APBA1: variants seen among roughly 807,000 people sequenced by gnomAD.
APBA1 encodes amyloid beta precursor protein binding family A member 1.
A neutral mutation model predicts 86.6 loss-of-function variants in APBA1; 55 were observed. That is an observed-to-expected ratio of 0.64 (90% CI 0.51 to 0.80). APBA1 has a LOEUF of 0.80. APBA1 is among the 30% of genes least tolerant of loss of function. APBA1 has a pLI of 0.00. For synonymous variants in APBA1, 511 were observed against 493.9 expected (o/e 1.03, Z -0.46); for missense variants, 1,090 against 1,183.0 (o/e 0.92, Z 1.15).
At chr9:69,443,133 C>T (rs1311850847) in intron 10 of APBA1, among the ~76,000 whole-genome samples, 3 of 151,964 alleles carry the variant, frequency 2.0e-5, no homozygotes, top group African/African-American at 4.8e-5. Context: ...AAACCCCACA[C>T]AGCAGCAGCA....
chr9:69,661,375 A>G (rs1226193595), intron 1 of APBA1, among the ~76,000 whole-genome samples: 1 of 152,136 alleles, frequency 6.6e-6, no homozygotes, highest in African/African-American at 2.4e-5. Flanking sequence ...ACCCTTTCAT[A>G]TTTTATTTGA....
At chr9:69,656,860 A>G (rs1588415181) in intron 1 of APBA1, among the ~76,000 whole-genome samples, 2 of 128,718 alleles carry the variant, frequency 1.6e-5, no homozygotes, top group East Asian at 2.4e-4. Context: ...TTTTTTTGAG[A>G]CGGAGTCTCG....
At chr9:69,489,457 A>G (rs1383792701) in intron 2 of APBA1, among the ~76,000 whole-genome samples, 1 of 152,126 alleles carries the variant, frequency 6.6e-6, no homozygotes, top group Non-Finnish European at 1.5e-5. Flanking sequence ...CCTTTCTTAC[A>G]CCTTATACAA....
Position 69,659,137 on chromosome 9 carries a change from G to A in APBA1, c.-70+13016C>T, listed in dbSNP as rs563596904. Among the ~76,000 whole-genome samples, 14 of 152,234 alleles carry A rather than the reference G, an allele frequency of 9.2e-5. No homozygotes were observed. In the East Asian group the frequency reaches 1.4e-3, roughly 15 times the overall value. On this transcript the variant is annotated intron_variant, in intron 1 of 12. Coordinates refer to ENST00000265381, the MANE Select transcript of APBA1 (RefSeq NM_001163.4). ...GATTCTGACCTAAGACATCTGCAAA[G>A]CACACCAACTTATACAGACCTTCTG...
In APBA1 at chr9:69,539,044, T is replaced by C. The variant is rs186640562; in HGVS notation, c.-69-21765A>G. 3.7e-4 allele frequency among the ~76,000 whole-genome samples: 56 copies of C among 152,332 alleles called. No individual in the cohort carries two copies. The East Asian group carries it at 6.8e-3, about 18-fold the overall frequency. The stretch of plus-strand genomic sequence containing the variant: ...GCTTCCAGGCCACCACTTTCTCCTG[T>C]TGCTTCCCCATCTCATTGGCTGGTT... On this transcript the variant is annotated intron_variant, in intron 1 of 12. Coordinates refer to ENST00000265381, the MANE Select transcript of APBA1 (RefSeq NM_001163.4).
intron 1 of APBA1, among the ~76,000 whole-genome samples, chr9:69,641,689 G>A (rs1015007345): frequency 6.6e-5 from 10 of 152,066 alleles, no homozygotes; most frequent in African/African-American, 2.4e-4. Flanking sequence ...ATATTCATAT[G>A]TGAAAAAAAT....
At chr9:69,464,690 A>G (rs1835247777) in intron 5 of APBA1, 1 of 152,254 alleles carries the variant, frequency 6.6e-6, no homozygotes, top group Admixed American at 6.5e-5. Context: ...TGGAAATAAG[A>G]AAATGTAATT....
At chr9:69,553,315 T>C (rs1344055532) in intron 1 of APBA1, among the ~76,000 whole-genome samples, 1 of 152,202 alleles carries the variant, frequency 6.6e-6, no homozygotes, top group South Asian at 2.1e-4. Flanking sequence ...TTGTAAGATA[T>C]AAACCATTTC....
At chr9:69,658,282 T>TTCTTTCTTTCTTTCTTTCTC (rs1554709948) in intron 1 of APBA1, among the ~76,000 whole-genome samples, 1 of 39,790 alleles carries the variant, frequency 2.5e-5, no homozygotes, top group Admixed American at 3.3e-4. Context: ...CTTTCTTTCT[T>TTCTTTCTTTCTTTCTTTCTC]TCTCTCTCTC....
At chr9:69,489,451 T>C (rs1349617770) in intron 2 of APBA1, among the ~76,000 whole-genome samples, 20 of 152,190 alleles carry the variant, frequency 1.3e-4, no homozygotes, top group African/African-American at 4.6e-4. Context: ...TGGATCCCTT[T>C]CTTACACCTT....
At chr9:69,572,074 C>CT (rs1317119770) in intron 1 of APBA1, among the ~76,000 whole-genome samples, 4 of 152,152 alleles carry the variant, frequency 2.6e-5, no homozygotes, top group African/African-American at 9.7e-5. Flanking sequence ...GTTATTATCT[C>CT]TTTTTAAAAT....
At chr9:69,645,416 T>G (rs1280488218) in intron 1 of APBA1, among the ~76,000 whole-genome samples, 1 of 152,236 alleles carries the variant, frequency 6.6e-6, no homozygotes, top group Non-Finnish European at 1.5e-5. Context: ...CATTTTTCTT[T>G]CATTTGGCCA....
chr9:69,449,049 G>T (rs189334921), intron 10 of APBA1, among the ~76,000 whole-genome samples: 123 of 152,358 alleles, frequency 8.1e-4, no homozygotes, highest in Non-Finnish European at 1.5e-3. Context: ...GACTGGAAGA[G>T]AGTTTCCTCC....
intron 2 of APBA1, among the ~76,000 whole-genome samples, chr9:69,493,094 A>C (rs893975928): frequency 1.3e-5 from 2 of 152,010 alleles, no homozygotes; most frequent in African/African-American, 4.8e-5. Flanking sequence ...TTCACCAGAC[A>C]CCTGTCATTA....
At chr9:69,634,386 T>C (rs1050681545) in intron 1 of APBA1, among the ~76,000 whole-genome samples, 4 of 152,170 alleles carry the variant, frequency 2.6e-5, no homozygotes, top group African/African-American at 9.6e-5. Context: ...TCGTTGCAAC[T>C]TGAGTTCCTG....
At chr9:69,500,442 G>C (rs1276797485) in intron 2 of APBA1, among the ~76,000 whole-genome samples, 1 of 152,104 alleles carries the variant, frequency 6.6e-6, no homozygotes, top group Non-Finnish European at 1.5e-5. Flanking sequence ...GGAAACTGAA[G>C]GCTGGGAGGA....
At chr9:69,452,762 C>T (rs1313524287) in intron 8 of APBA1, among the ~76,000 whole-genome samples, 3 of 152,144 alleles carry the variant, frequency 2.0e-5, no homozygotes, top group African/African-American at 7.2e-5. Context: ...AGAATAATAC[C>T]GTCTGAATTG....
chr9:69,658,636 C>G (rs1308309590), intron 1 of APBA1, among the ~76,000 whole-genome samples: 1 of 151,416 alleles, frequency 6.6e-6, no homozygotes, highest in Non-Finnish European at 1.5e-5. Context: ...AACTCCTGAC[C>G]TCAGGTGATC....
chr9:69,515,530 T>C (rs1311626365), intron 2 of APBA1, among the ~76,000 whole-genome samples: 3 of 152,168 alleles, frequency 2.0e-5, no homozygotes, highest in South Asian at 4.1e-4. Context: ...GGTTCTCATA[T>C]GGCAACAGTC....
Sources: allele counts gnomAD v4.1 joint callset (sites outside exome capture counted in the v4.1 genomes callset), GRCh38; gene constraint gnomAD v4.1.1; transcripts MANE v1.5; gene names NCBI Gene and HGNC (gene_info 2026-07-23, HGNC 2026-07-21).